DLEC1: variants seen among roughly 807,000 people sequenced by gnomAD.
The protein encoded by DLEC1 is DLEC1 cilia and flagella associated protein, also known as deleted in lung and esophageal cancer protein 1.
In DLEC1, 146 loss-of-function variants were observed where a neutral mutation model predicts 198.1. That is an observed-to-expected ratio of 0.74 (90% CI 0.64 to 0.85). DLEC1 has a LOEUF of 0.85. DLEC1 is among the 40% of genes least tolerant of loss of function. The pLI is 0.00. For synonymous variants in DLEC1, 897 were observed against 866.8 expected (o/e 1.03, Z -0.61); for missense variants, 2,233 against 2,220.0 (o/e 1.01, Z -0.12).
rs1700391766 is a variant in DLEC1 at position 38,120,500 on chromosome 3, C to T, written c.4757C>T (p.Pro1586Leu). The T allele has an allele frequency of 6.2e-7, 1 of 1,614,236 alleles. No homozygotes were observed. The highest frequency in any genetic ancestry group is 1.3e-5 in the African/African-American group (1 of 75,076). The change falls in exon 34 of 37, where the codon CCA becomes CTA. Residue 1586 changes from proline to leucine, a missense_variant. Coordinates refer to ENST00000308059, the MANE Select transcript of DLEC1 (RefSeq NM_007335.4). ...SLELLSYQKL[P>L]ADQTLPGVDI... ...GAGCTGCTCTCCTATCAGAAGCTCC[C>T]AGCTGACCAGACACTGCCTGGGGTG...
chr3:38,088,074 G>T (rs1698556694), intron 9 of DLEC1, among the ~76,000 whole-genome samples: 1 of 152,208 alleles, frequency 6.6e-6, no homozygotes, highest in African/African-American at 2.4e-5. Context: ...GATGTTCTAA[G>T]ACTTACTCTC....
chr3:38,050,762 G>A (rs1188605784), intron 2 of DLEC1, among the ~76,000 whole-genome samples: 1 of 152,152 alleles, frequency 6.6e-6, no homozygotes, highest in African/African-American at 2.4e-5. Flanking sequence ...ATTTCCCTCA[G>A]TCTTCAATCC....
At chr3:38,075,645 T>C (rs1008890738) in intron 6 of DLEC1, among the ~76,000 whole-genome samples, 3 of 151,248 alleles carry the variant, frequency 2.0e-5, no homozygotes, top group Non-Finnish European at 4.4e-5. Flanking sequence ...GGCACAGAGA[T>C]AAGAGGTCAG....
Position 38,116,571 on chromosome 3 carries a change from G to A in DLEC1, c.3975G>A (p.Val1325=). Residue 1325 remains valine, a synonymous_variant, in exon 28 of 37, where the codon GTG becomes GTA. Transcript: ENST00000308059. ...PLRDQAGNEL[V]CPDTPEGGCL... ...GGGACCAAGCCGGGAATGAGCTTGT[G>A]TGCCCTGATACCCCTGAGGGTGGCT... The A allele has an allele frequency of 6.2e-7, 1 of 1,614,132 alleles. No individual in the cohort carries two copies. The highest frequency in any genetic ancestry group is 8.5e-7 in the Non-Finnish European group (1 of 1,179,990).
Position 38,117,279 on chromosome 3 carries a change from G to A in DLEC1, c.4377G>A (p.Leu1459=), listed in dbSNP as rs1303459611. 1 of 1,614,118 alleles carries A rather than the reference G, an allele frequency of 6.2e-7. No individual in the cohort carries two copies. The highest frequency in any genetic ancestry group is 8.5e-7 in the Non-Finnish European group (1 of 1,179,982). The change falls in exon 31 of 37, where the codon CTG becomes CTA. Residue 1459 remains leucine (L), a synonymous_variant. Transcript: ENST00000308059. ...DFAVGPLKLD[L]HSYVRPAQLS... The stretch of plus-strand genomic sequence containing the variant: ...CGGTGGGACCCCTGAAACTGGACCT[G>A]CATAGCTACGTGAGGCCTGCACAGT...
chr3:38,052,108 G>A, intron 2 of DLEC1: 1 of 317,840 alleles, frequency 3.1e-6, no homozygotes, highest in Non-Finnish European at 6.4e-6. Flanking sequence ...AAGCAGCATG[G>A]GCTCCTCGAC....
At position 38,039,273 on chromosome 3, in the gene DLEC1, C is replaced by G. The variant is rs774347613; in HGVS notation, c.48C>G (p.Thr16=). ...SKTRRSLASR[T]NECQGTMWAP... ...CGCGGAGGTCTTTAGCGTCCCGGAC[C>G]AACGAGTGCCAGGGGACAATGTGGG... The change falls in exon 1 of 37, where the codon ACC becomes ACG. Residue 16 remains threonine, a synonymous_variant. Coordinates refer to ENST00000308059, the MANE Select transcript of DLEC1 (RefSeq NM_007335.4). 3.1e-6 allele frequency: 5 copies of G among 1,613,738 alleles called. No individual in the cohort carries two copies. The highest frequency in any genetic ancestry group is 3.3e-5 in the Admixed American group (2 of 59,974).
intron 19 of DLEC1, 151 bp downstream of exon 19, chr3:38,100,576 G>A: frequency 2.6e-6 from 3 of 1,171,624 alleles, no homozygotes; most frequent in South Asian, 4.4e-5. Context: ...TTACAGAAAA[G>A]AAACTCAAAA....
chr3:38,109,492 C>G lies in DLEC1; in HGVS notation c.3190C>G (p.Leu1064Val). ...GTCAGGCATGAAGAAGCCACTGGTT[C>G]TAGGCATTTCTGGGAAGCCCCAGGG... ...HVSGMKKPLVLGISGKPQGLQ... is the reference protein window; with the variant it reads ...HVSGMKKPLVVGISGKPQGLQ... Residue 1064 changes from leucine (L) to valine (V), a missense_variant, in exon 22 of 37, where the codon CTA becomes GTA. Coordinates refer to ENST00000308059, the MANE Select transcript of DLEC1 (RefSeq NM_007335.4). The G allele has an allele frequency of 3.7e-6, 6 of 1,614,222 alleles. No homozygotes were observed. The highest frequency in any genetic ancestry group is 5.1e-6 in the Non-Finnish European group (6 of 1,180,020).
At chr3:38,039,677 G>T in intron 1 of DLEC1, 41 bp downstream of exon 1, 2 of 1,551,758 alleles carry the variant, frequency 1.3e-6, no homozygotes, top group Non-Finnish European at 8.7e-7. Flanking sequence ...CGGTGCCGGG[G>T]TCTCAGCGCT....
intron 6 of DLEC1, among the ~76,000 whole-genome samples, chr3:38,074,477 A>G (rs1313097944): frequency 1.3e-5 from 2 of 152,264 alleles, no homozygotes; most frequent in Non-Finnish European, 2.9e-5. Context: ...TAAGCGGGCC[A>G]TGAACTGGGC....
intron 2 of DLEC1, among the ~76,000 whole-genome samples, chr3:38,055,034 A>G (rs1696284505): frequency 6.6e-6 from 1 of 152,274 alleles, no homozygotes; most frequent in South Asian, 2.1e-4. Context: ...TCTGGAAATG[A>G]CAAGTACAAT....
intron 5 of DLEC1, 148 bp from the exon 6 acceptor site, chr3:38,063,693 A>G (rs1696821002): frequency 3.5e-6 from 2 of 569,778 alleles, no homozygotes; most frequent in Admixed American, 6.6e-5. Context: ...ATTAACAATA[A>G]GATCCAAAAA....
At chr3:38,069,371 CATT>C (rs969847311) in intron 6 of DLEC1, among the ~76,000 whole-genome samples, 2 of 152,156 alleles carry the variant, frequency 1.3e-5, no homozygotes, top group Non-Finnish European at 2.9e-5. Flanking sequence ...AATGTACCAT[CATT>C]ATTAGGTAAT....
intron 2 of DLEC1, among the ~76,000 whole-genome samples, chr3:38,054,218 A>C (rs74437245): frequency 0.32 from 48,286 of 151,786 alleles, 7,987 homozygotes; most frequent in East Asian, 0.56. Flanking sequence ...ACAAAACAAA[A>C]AAACAAACAA....
intron 6 of DLEC1, among the ~76,000 whole-genome samples, chr3:38,066,356 C>G (rs571876072): frequency 1.3e-5 from 2 of 152,258 alleles, no homozygotes; most frequent in East Asian, 3.9e-4. Flanking sequence ...CAGAATAAAA[C>G]TTTCCCTCTA....
rs374354315 is a variant in DLEC1, at chr3:38,118,070, C to A, written c.4704+46C>A. The A allele has an allele frequency of 8.1e-5, 126 of 1,548,416 alleles. 1 individual carries two copies. In the East Asian group the frequency reaches 1.0e-3, roughly 13 times the overall value. ...CCCTTGCCTCGATGGCACACCCTCA[C>A]ATGTGTACAGACAGCACCCCTGCAC... On this transcript the variant is annotated intron_variant, in intron 33 of 36. Transcript: ENST00000308059.
intron 2 of DLEC1, among the ~76,000 whole-genome samples, chr3:38,057,179 A>C (rs1395877761): frequency 3.9e-5 from 6 of 152,252 alleles, no homozygotes; most frequent in Non-Finnish European, 8.8e-5. Context: ...AAAAGCAGTA[A>C]GAATCAATTA....
chr3:38,099,079 T>C (rs922023952), intron 18 of DLEC1, among the ~76,000 whole-genome samples: 11 of 152,192 alleles, frequency 7.2e-5, no homozygotes. Context: ...TGAAACTTTA[T>C]GCAAAAGCCC....
Sources: allele counts gnomAD v4.1 joint callset (sites outside exome capture counted in the v4.1 genomes callset), GRCh38; gene constraint gnomAD v4.1.1; transcripts MANE v1.5; gene names NCBI Gene and HGNC (gene_info 2026-07-23, HGNC 2026-07-21).